The following PTPRT variants were observed in gnomAD, a reference collection of about 807,000 sequenced individuals.
PTPRT encodes the protein receptor-type tyrosine-protein phosphatase T.
PTPRT carries 56 observed loss-of-function variants against 176.8 expected under a neutral mutation model. The ratio of observed to expected loss-of-function variants is 0.32; its 90% CI spans 0.26 to 0.40. PTPRT has a LOEUF of 0.40. Among genes scored for constraint, PTPRT ranks in the 10% least tolerant of loss-of-function variants. The pLI, the probability that PTPRT is intolerant of heterozygous loss-of-function variation, is 1.00. For missense variants in PTPRT, 1,540 were observed against 1,908.2 expected, an observed-to-expected ratio of 0.81 and a Z score of 3.60; for synonymous variants, 783 against 739.0, an observed-to-expected ratio of 1.06 and a Z score of -0.96.
intron 8 of PTPRT, among the ~76,000 whole-genome samples, chr20:42,464,784 T>A (rs1016552262): frequency 7.9e-5 from 12 of 152,286 alleles, no homozygotes; most frequent in Middle Eastern, 3.4e-3. Flanking sequence ...CTGCTTTTTC[T>A]CTCACTTTTC....
At chr20:43,026,674 T>C (rs1985925711) in intron 1 of PTPRT, among the ~76,000 whole-genome samples, 1 of 152,228 alleles carries the variant, frequency 6.6e-6, no homozygotes, top group African/African-American at 2.4e-5. Context: ...TACTATCACA[T>C]AGTAGGTCTT....
At position 43,005,266 on chromosome 20, in the gene PTPRT, C is replaced by T. The variant is rs1314613547; in HGVS notation, c.89-119334G>A. On this transcript the variant is annotated intron_variant, in intron 1 of 30. Coordinates refer to ENST00000373187, the MANE Select transcript of PTPRT (RefSeq NM_007050.6). ...CCCACGAAGTCCTGAGTGACAGTCA[C>T]CAGCTCCTGCCCACTCTCCAACCGC... Among the ~76,000 whole-genome samples the T allele has an allele frequency of 1.3e-5, 2 of 152,168 alleles. 1 individual carries two copies. Among genetic ancestry groups the T allele is most frequent in the South Asian group, 4.1e-4 (2 of 4,828 alleles).
intron 1 of PTPRT, among the ~76,000 whole-genome samples, chr20:42,928,802 G>A (rs962694894): frequency 6.6e-6 from 1 of 152,092 alleles, no homozygotes; most frequent in African/African-American, 2.4e-5. Context: ...ACTATTTCAG[G>A]GAAGACGCTG....
intron 1 of PTPRT, among the ~76,000 whole-genome samples, chr20:43,183,688 G>A (rs564149866): frequency 1.8e-4 from 28 of 152,272 alleles, no homozygotes; most frequent in Admixed American, 5.2e-4. Flanking sequence ...TCTCAGGCTC[G>A]CTTCCTATAA....
intron 6 of PTPRT, among the ~76,000 whole-genome samples, chr20:42,704,859 T>G (rs763793280): frequency 3.9e-5 from 6 of 152,134 alleles, no homozygotes; most frequent in Non-Finnish European, 7.3e-5. Flanking sequence ...ATGAATACCT[T>G]TCCTATTCGA....
At chr20:42,821,211 C>A (rs1454615741) in intron 2 of PTPRT, among the ~76,000 whole-genome samples, 2 of 152,184 alleles carry the variant, frequency 1.3e-5, no homozygotes, top group East Asian at 3.8e-4. Flanking sequence ...AACATATCCA[C>A]CATGATCAAG....
rs532702313 is a variant in PTPRT at position 42,455,032 on chromosome 20, A to G, written c.1451-6703T>C. Among the ~76,000 whole-genome samples, 4 of 152,322 alleles carry G rather than the reference A, an allele frequency of 2.6e-5. 1 individual carries two copies. In the South Asian group the frequency reaches 8.3e-4, roughly 32 times the overall value. On this transcript the variant is annotated intron_variant, in intron 8 of 30. Transcript: ENST00000373187. ...CTACTTGGTTGGGTTACTCTGAGAC[A>G]TGTTTTACTAGCACTTCTCAAACTA...
chr20:42,351,964 G>T, intron 10 of PTPRT, 120 bp downstream of exon 10: 1 of 884,842 alleles, frequency 1.1e-6, no homozygotes, highest in Non-Finnish European at 1.8e-6. Flanking sequence ...CTAGGGACTG[G>T]ATCGTCCTAA....
At chr20:42,456,338 T>C (rs2070924187) in intron 8 of PTPRT, among the ~76,000 whole-genome samples, 3 of 152,050 alleles carry the variant, frequency 2.0e-5, no homozygotes, top group African/African-American at 7.2e-5. Context: ...GCATCTGTAG[T>C]TAATAATAGT....
At chr20:43,165,761 G>A (rs16987890) in intron 1 of PTPRT, among the ~76,000 whole-genome samples, 13,485 of 152,170 alleles carry the variant, frequency 0.089, 1,030 homozygotes, top group East Asian at 0.35. Flanking sequence ...TCTGACTTAC[G>A]TTTTTAAAAA....
In PTPRT at chr20:42,144,970, C is replaced by T. The variant is rs150626623; in HGVS notation, c.2683-2968G>A. Among the ~76,000 whole-genome samples, 404 of 152,296 alleles carry T rather than the reference C, an allele frequency of 2.7e-3. 9 individuals carry two copies. The highest frequency in any genetic ancestry group is 0.026 in the East Asian group (137 of 5,180). On this transcript the variant is annotated intron_variant, in intron 17 of 30. Coordinates refer to ENST00000373187, the MANE Select transcript of PTPRT (RefSeq NM_007050.6). Reference sequence around the variant, plus strand: ...AGGCCAGTGCTCATGCATGGTTCTACCTTTCTTGCATCTGGTCTCTCAAGT... The same window carrying T: ...AGGCCAGTGCTCATGCATGGTTCTATCTTTCTTGCATCTGGTCTCTCAAGT...
At chr20:42,202,618 T>C (rs1441849266) in intron 15 of PTPRT, among the ~76,000 whole-genome samples, 1 of 152,258 alleles carries the variant, frequency 6.6e-6, no homozygotes, top group African/African-American at 2.4e-5. Context: ...AAAATGTATA[T>C]GTGACCTTCT....
intron 12 of PTPRT, among the ~76,000 whole-genome samples, chr20:42,315,346 A>C (rs948651306): frequency 7.2e-5 from 11 of 152,168 alleles, no homozygotes; most frequent in African/African-American, 2.7e-4. Context: ...GATAGATATT[A>C]TTATTATATA....
At chr20:42,686,828 G>A (rs2075704641) in intron 6 of PTPRT, among the ~76,000 whole-genome samples, 1 of 151,964 alleles carries the variant, frequency 6.6e-6, no homozygotes, top group Non-Finnish European at 1.5e-5. Context: ...TTTCTTCTCA[G>A]TCTCACTTCG....
intron 16 of PTPRT, among the ~76,000 whole-genome samples, chr20:42,179,286 T>C (rs753892699): frequency 1.3e-5 from 2 of 152,238 alleles, no homozygotes; most frequent in Non-Finnish European, 2.9e-5. Flanking sequence ...AGGCATTCAC[T>C]TAATAAAAGT....
chr20:42,911,091 T>C (rs1407288118), intron 1 of PTPRT, among the ~76,000 whole-genome samples: 1 of 151,980 alleles, frequency 6.6e-6, no homozygotes, highest in East Asian at 1.9e-4. Flanking sequence ...CCTTGACACA[T>C]GGGGATTATG....
chr20:43,061,121 T>TGGATGGTC (rs1233758380), intron 1 of PTPRT, among the ~76,000 whole-genome samples: 6 of 151,340 alleles, frequency 4.0e-5, no homozygotes, highest in South Asian at 2.1e-4. Context: ...GATGGATGGA[T>TGGATGGTC]GGTCAGTCAG....
chr20:42,592,552 CCTAAA>C (rs1221774290), intron 7 of PTPRT, among the ~76,000 whole-genome samples: 1 of 152,162 alleles, frequency 6.6e-6, no homozygotes, highest in African/African-American at 2.4e-5. Context: ...CTCATTCCTC[CCTAAA>C]CACAGTGAAG....
intron 15 of PTPRT, among the ~76,000 whole-genome samples, chr20:42,232,068 TA>T (rs1374783801): frequency 6.6e-6 from 1 of 152,182 alleles, no homozygotes; most frequent in African/African-American, 2.4e-5. Flanking sequence ...CCTCTTCTAC[TA>T]AAAAAGCTCC....
Sources: gnomAD v4.1 joint callset for allele counts (sites outside exome capture counted in the v4.1 genomes callset) on GRCh38, gnomAD v4.1.1 for gene constraint, MANE v1.5 for transcripts, NCBI Gene and HGNC (gene_info 2026-07-23, HGNC 2026-07-21) for gene names.